The following GKAP1 variants were observed in gnomAD, a reference collection of about 807,000 sequenced individuals.
GKAP1 encodes G kinase-anchoring protein 1.
GKAP1 carries 31 observed loss-of-function variants against 56.7 expected under a neutral mutation model. That is an observed-to-expected ratio of 0.55 (90% confidence interval 0.41 to 0.74). The LOEUF is 0.74. GKAP1 is among the 30% of genes least tolerant of loss of function. The pLI, the probability that GKAP1 is intolerant of heterozygous loss-of-function variation, is 0.00. For synonymous variants in GKAP1, 151 were observed against 138.6 expected, an observed-to-expected ratio of 1.09 and a Z score of -0.63; for missense variants, 364 against 402.3, an observed-to-expected ratio of 0.90 and a Z score of 0.82.
At chr9:83,751,726 A>C (rs187399970) in intron 9 of GKAP1, among the ~76,000 whole-genome samples, 2 of 152,198 alleles carry the variant, frequency 1.3e-5, no homozygotes, top group East Asian at 1.9e-4. Flanking sequence ...AAAAGGAATG[A>C]TACTTGATAT....
chr9:83,785,872 C>T (rs1944055495), intron 5 of GKAP1, among the ~76,000 whole-genome samples: 1 of 152,200 alleles, frequency 6.6e-6, no homozygotes, highest in African/African-American at 2.4e-5. Context: ...TTGCCTAGTA[C>T]ATGAAGAAAT....
chr9:83,765,946 G>A (rs560919230), intron 8 of GKAP1, among the ~76,000 whole-genome samples: 16 of 152,278 alleles, frequency 1.1e-4, no homozygotes, highest in Middle Eastern at 3.4e-3. Flanking sequence ...TGTTGGGAAG[G>A]CATGATTGTG....
intron 2 of GKAP1, among the ~76,000 whole-genome samples, chr9:83,810,260 A>G (rs571984300): frequency 6.6e-6 from 1 of 152,390 alleles, no homozygotes; most frequent in East Asian, 1.9e-4. Flanking sequence ...CATACAAATG[A>G]AATTTTAATG....
chr9:83,791,040 T>G (rs1203820324), intron 4 of GKAP1, among the ~76,000 whole-genome samples: 2 of 152,202 alleles, frequency 1.3e-5, no homozygotes, highest in African/African-American at 4.8e-5. Flanking sequence ...ATTTTTATTT[T>G]TCATATTAAC....
intron 8 of GKAP1, among the ~76,000 whole-genome samples, chr9:83,765,794 G>A (rs539359327): frequency 6.6e-6 from 1 of 152,322 alleles, no homozygotes; most frequent in Admixed American, 6.5e-5. Context: ...CCCAATGCCT[G>A]TACTCCCATT....
chr9:83,748,543 G>A (rs1943332764), intron 9 of GKAP1, 171 bp from the exon 10 acceptor site: 2 of 436,858 alleles, frequency 4.6e-6, no homozygotes, highest in South Asian at 7.4e-5. Context: ...CTTAAATTAA[G>A]TCCCTGGCAC....
intron 2 of GKAP1, among the ~76,000 whole-genome samples, chr9:83,810,318 T>C (rs1350703347): frequency 2.0e-5 from 3 of 152,238 alleles, no homozygotes; most frequent in Non-Finnish European, 2.9e-5. Flanking sequence ...GATCAGGAAC[T>C]GAATATTCTT....
intron 8 of GKAP1, among the ~76,000 whole-genome samples, chr9:83,764,229 T>C (rs1324529832): frequency 6.6e-6 from 1 of 152,118 alleles, no homozygotes; most frequent in Non-Finnish European, 1.5e-5. Flanking sequence ...AATCCCCAAG[T>C]GTCAAGGTGA....
intron 11 of GKAP1, 37 bp from the exon 12 acceptor site, chr9:83,742,066 G>A: frequency 2.1e-6 from 3 of 1,397,650 alleles, no homozygotes; most frequent in Non-Finnish European, 3.0e-6. Context: ...AGAATTTTTG[G>A]GGTTTTTGGC....
intron 8 of GKAP1, among the ~76,000 whole-genome samples, chr9:83,755,622 G>C (rs1943461800): frequency 6.6e-6 from 1 of 151,042 alleles, no homozygotes; most frequent in Non-Finnish European, 1.5e-5. Flanking sequence ...AGGAAAAATG[G>C]AAAAGATTGG....
chr9:83,791,674 G>A (rs1944162539), intron 4 of GKAP1, among the ~76,000 whole-genome samples: 1 of 152,200 alleles, frequency 6.6e-6, no homozygotes, highest in Admixed American at 6.5e-5. Context: ...TGCCTATGGG[G>A]CTTAATTTAA....
In GKAP1 at chr9:83,753,284, G is replaced by A; in HGVS notation, c.814C>T (p.Leu272=). The change falls in exon 9 of 13, where the codon CTG becomes TTG. Residue 272 remains leucine, a synonymous_variant. Transcript: ENST00000376371. ...TCCCATTGAGTGATTACATTTTTCA[G>A]CTTCTGGATTTCAGCATCTTTCCTT... ...LERKDAEIQK[L]KNVITQWEAK... The A allele has an allele frequency of 9.3e-6, 15 of 1,607,438 alleles. No individual in the cohort carries two copies. Among genetic ancestry groups the A allele is most frequent in the Non-Finnish European group, 1.3e-5 (15 of 1,174,646 alleles).
Position 83,739,674 on chromosome 9 carries a change from G to T in GKAP1, c.*23C>A. 1.9e-6 allele frequency: 3 copies of T among 1,582,466 alleles called. No homozygotes were observed. The highest frequency in any genetic ancestry group is 2.6e-6 in the Non-Finnish European group (3 of 1,163,432). Reference sequence around the variant, plus strand: ...AAATCCTGGAAGTTTTAAACTTTGTGTTGACTTCAAAGGCTAATGTAATCA... The same window carrying T: ...AAATCCTGGAAGTTTTAAACTTTGTTTTGACTTCAAAGGCTAATGTAATCA... On this transcript the variant is annotated 3_prime_UTR_variant, in exon 13 of 13. Coordinates refer to ENST00000376371, the MANE Select transcript of GKAP1 (RefSeq NM_025211.4).
intron 8 of GKAP1, among the ~76,000 whole-genome samples, chr9:83,768,499 A>G (rs1228196236): frequency 1.3e-5 from 2 of 152,152 alleles, no homozygotes; most frequent in South Asian, 2.1e-4. Context: ...CTACCTCTCC[A>G]TATCCCCACA....
chr9:83,811,725 G>A (rs1215681424), intron 2 of GKAP1, among the ~76,000 whole-genome samples: 2 of 152,132 alleles, frequency 1.3e-5, no homozygotes, highest in Non-Finnish European at 2.9e-5. Context: ...TCAGGGTAAA[G>A]TGCAAAAAGA....
intron 6 of GKAP1, among the ~76,000 whole-genome samples, chr9:83,783,449 A>C (rs1338228556): frequency 6.6e-6 from 1 of 152,240 alleles, no homozygotes; most frequent in East Asian, 1.9e-4. Context: ...TTAAATTGCC[A>C]CACATGAATA....
rs184381515 is a variant in GKAP1 at position 83,747,679 on chromosome 9, A to T, written c.904+630T>A. On this transcript the variant is annotated intron_variant, in intron 10 of 12. Coordinates refer to ENST00000376371, the MANE Select transcript of GKAP1 (RefSeq NM_025211.4). ...TTGAGACAGTCTTGCTCTGTTCCCC[A>T]GGCTGCAAGTACAGTGGTGCAATCT... Among the ~76,000 whole-genome samples the T allele has an allele frequency of 2.2e-4, 33 of 149,328 alleles. 1 individual carries two copies. The highest frequency in any genetic ancestry group is 1.8e-3 in the Admixed American group (27 of 14,836).
At chr9:83,814,191 A>C (rs527415851) in intron 2 of GKAP1, among the ~76,000 whole-genome samples, 2 of 152,332 alleles carry the variant, frequency 1.3e-5, no homozygotes, top group South Asian at 4.1e-4. Context: ...AAAGCCAATT[A>C]TTTGACTTAT....
chr9:83,809,558 AAGC>A (rs1477976965), intron 2 of GKAP1, among the ~76,000 whole-genome samples: 1 of 152,260 alleles, frequency 6.6e-6, no homozygotes, highest in Admixed American at 6.5e-5. Context: ...ACAGTAGAAT[AAGC>A]AGCAAGTCAA....
Sources: allele counts gnomAD v4.1 joint callset (sites outside exome capture counted in the v4.1 genomes callset), GRCh38; gene constraint gnomAD v4.1.1; transcripts MANE v1.5; gene names NCBI Gene and HGNC (gene_info 2026-07-23, HGNC 2026-07-21).